The following COG6 variants were observed in gnomAD, a reference collection of about 807,000 sequenced individuals.
COG6 encodes conserved oligomeric Golgi complex subunit 6.
COG6 carries 74 observed loss-of-function variants against 88.8 expected under a neutral mutation model. The observed-to-expected ratio is 0.83, with a 90% CI of 0.69 to 1.01. The LOEUF (loss-of-function observed/expected upper bound fraction) is 1.01. Among genes scored for constraint, COG6 ranks in the 50% least tolerant of loss-of-function variants. The probability of loss-of-function intolerance (pLI) is 0.00; values close to 1 mark genes in which losing one functional copy is unlikely to be tolerated. For synonymous variants in COG6, 286 were observed against 278.7 expected (o/e 1.03, Z -0.26); for missense variants, 800 against 797.9 (o/e 1.00, Z -0.03).
intron 12 of COG6, 85 bp downstream of exon 12, chr13:39,694,810 T>C (rs916093470): frequency 4.1e-6 from 3 of 731,722 alleles, no homozygotes; most frequent in East Asian, 2.6e-5. Context: ...TTTTTTATAT[T>C]GTGTATAGTA....
intron 13 of COG6, among the ~76,000 whole-genome samples, chr13:39,703,077 C>T (rs1877671743): frequency 6.6e-6 from 1 of 152,214 alleles, no homozygotes; most frequent in South Asian, 2.1e-4. Flanking sequence ...AAGAAAATTA[C>T]ATCATACAGA....
intron 18 of COG6, among the ~76,000 whole-genome samples, chr13:39,767,959 C>G (rs903723796): frequency 6.6e-6 from 1 of 152,176 alleles, no homozygotes; most frequent in Non-Finnish European, 1.5e-5. Context: ...AGTCCCAACT[C>G]TGAGCTGTCA....
At chr13:39,683,601 T>G (rs1165608700) in intron 8 of COG6, among the ~76,000 whole-genome samples, 1 of 152,230 alleles carries the variant, frequency 6.6e-6, no homozygotes, top group Admixed American at 6.5e-5. Context: ...ATTCCTGCTT[T>G]AAAATTTCTT....
At chr13:39,743,612 A>G (rs553712333) in intron 18 of COG6, among the ~76,000 whole-genome samples, 1 of 152,264 alleles carries the variant, frequency 6.6e-6, no homozygotes, top group South Asian at 2.1e-4. Flanking sequence ...GCAATAATTA[A>G]TAGCCTACCA....
rs570399336 is a variant in COG6, at chr13:39,719,521, G to A, written c.1417-139G>A. 1.0e-4 allele frequency: 122 copies of A among 1,164,932 alleles called. 3 individuals are homozygous for A. The South Asian group carries it at 1.5e-3, about 14-fold the overall frequency. The allele number at this position is 1,164,932 out of a possible 1,614,324, so 72.2% of individuals were successfully genotyped here. ...TAAACCAGTTATCATAACTTAAAAA[G>A]CATTGATTTATGTTTAATCTTTTCC... On this transcript the variant is annotated intron_variant, in intron 14 of 18. Coordinates refer to ENST00000455146, the MANE Select transcript of COG6 (RefSeq NM_020751.3).
chr13:39,659,356 T>C lies in COG6; in HGVS notation c.154-8T>C. On this transcript the variant is annotated splice_region_variant and splice_polypyrimidine_tract_variant and intron_variant, in intron 1 of 18. Coordinates refer to ENST00000455146, the MANE Select transcript of COG6 (RefSeq NM_020751.3). ...TCCAGTAACTGTCTTCTGTTACCAA[T>C]TGTATAGGAGATGTTAGAAGCTCTC... 1 of 1,612,936 alleles carries C rather than the reference T, an allele frequency of 6.2e-7. No homozygotes were observed. Among genetic ancestry groups the C allele is most frequent in the Non-Finnish European group, 8.5e-7 (1 of 1,179,206 alleles).
At chr13:39,784,680 GT>G (rs768267031) in intron 18 of COG6, among the ~76,000 whole-genome samples, 11 of 152,222 alleles carry the variant, frequency 7.2e-5, no homozygotes, top group Non-Finnish European at 1.5e-4. Flanking sequence ...AAGGAAACCT[GT>G]TTTGATGAAG....
At chr13:39,768,358 T>C (rs1881226759) in intron 18 of COG6, among the ~76,000 whole-genome samples, 1 of 152,192 alleles carries the variant, frequency 6.6e-6, no homozygotes, top group Non-Finnish European at 1.5e-5. Flanking sequence ...CACAGGTGGC[T>C]TAGCACTGCC....
chr13:39,665,218 A>G, intron 4 of COG6, 64 bp downstream of exon 4: 3 of 835,998 alleles, frequency 3.6e-6, no homozygotes, highest in African/African-American at 1.7e-5. Context: ...AGAAAATTAT[A>G]TATAACTCCA....
chr13:39,757,374 A>G (rs1880871622), downstream of COG6, among the ~76,000 whole-genome samples: 1 of 152,114 alleles, frequency 6.6e-6, no homozygotes, highest in Non-Finnish European at 1.5e-5. Flanking sequence ...GAAAGAAATA[A>G]ATTAACCTAA....
chr13:39,739,690 A>G (rs1460494981), intron 18 of COG6, among the ~76,000 whole-genome samples: 1 of 152,198 alleles, frequency 6.6e-6, no homozygotes, highest in Non-Finnish European at 1.5e-5. Context: ...AGCAAACATA[A>G]TACTTAATGA....
At chr13:39,784,586 T>G (rs1050164954) in intron 18 of COG6, among the ~76,000 whole-genome samples, 2 of 152,212 alleles carry the variant, frequency 1.3e-5, no homozygotes, top group Non-Finnish European at 2.9e-5. Context: ...TTTAGTTTAC[T>G]GTAAAGGAGT....
Position 39,726,451 on chromosome 13 carries a change from A to G in COG6, c.1747-1018A>G, listed in dbSNP as rs1593454878. On this transcript the variant is annotated intron_variant, in intron 17 of 18. Transcript: ENST00000455146. ...ATACATATCCAAAATCTGGGAGTCC[A>G]TCCCTTCATTCTATCAGTAACCAAG... Among the ~76,000 whole-genome samples, 7 of 152,056 alleles carry G rather than the reference A, an allele frequency of 4.6e-5. 2 individuals are homozygous for G. The highest frequency in any genetic ancestry group is 4.6e-4 in the Admixed American group (7 of 15,262).
At chr13:39,699,442 T>C in intron 12 of COG6, 59 bp from the exon 13 acceptor site, 1 of 818,812 alleles carries the variant, frequency 1.2e-6, no homozygotes, top group Admixed American at 1.7e-5. Flanking sequence ...TTCTACTCAG[T>C]TAAGGAACTG....
intron 5 of COG6, chr13:39,679,237 A>T: frequency 2.8e-6 from 1 of 356,606 alleles, no homozygotes; most frequent in Non-Finnish European, 5.2e-6. Context: ...TGCATTTCTC[A>T]CTAGACTACG....
In COG6 at chr13:39,661,572, T is replaced by C. The variant is rs144944272; in HGVS notation, c.369+691T>C. ...CTACTTGCATCATCAGTTTGCAGGA[T>C]GAGTTAATTTCTTGTTTCTCTAAAA... is the stretch of plus-strand genomic sequence containing the variant. On this transcript the variant is annotated intron_variant, in intron 3 of 18. Transcript: ENST00000455146. 3.4e-3 allele frequency among the ~76,000 whole-genome samples: 525 copies of C among 152,338 alleles called. 2 individuals carry two copies. The highest frequency in any genetic ancestry group is 0.012 in the African/African-American group (506 of 41,586).
intron 1 of COG6, chr13:39,657,021 T>C (rs1288021182): frequency 2.8e-6 from 1 of 361,482 alleles, no homozygotes; most frequent in African/African-American, 2.1e-5. Context: ...CTACTTGCTC[T>C]GATATAGATA....
At chr13:39,699,455 T>G in intron 12 of COG6, 46 bp from the exon 13 acceptor site, 1 of 885,602 alleles carries the variant, frequency 1.1e-6, no homozygotes, top group South Asian at 1.3e-5. Flanking sequence ...AGGAACTGTT[T>G]TGTTTCAGTT....
chr13:39,703,506 A>G (rs1323872482), intron 13 of COG6, among the ~76,000 whole-genome samples: 2 of 152,144 alleles, frequency 1.3e-5, no homozygotes, highest in Non-Finnish European at 2.9e-5. Context: ...TCTCCACGTT[A>G]TCATTTGCCT....
Sources: gnomAD v4.1 joint callset for allele counts (sites outside exome capture counted in the v4.1 genomes callset) on GRCh38, gnomAD v4.1.1 for gene constraint, MANE v1.5 for transcripts, NCBI Gene and HGNC (gene_info 2026-07-23, HGNC 2026-07-21) for gene names.